FER: variants seen among roughly 807,000 people sequenced by gnomAD.
FER encodes the protein tyrosine-protein kinase Fer.
Under a neutral mutation model 111.0 loss-of-function variants are expected in FER, and 63 were observed. The ratio of observed to expected loss-of-function variants is 0.57; its 90% CI spans 0.46 to 0.70. The LOEUF (loss-of-function observed/expected upper bound fraction) is 0.70. Among genes scored for constraint, FER ranks in the 30% least tolerant of loss-of-function variants. The probability of loss-of-function intolerance (pLI) is 0.00; values close to 1 mark genes in which losing one functional copy is unlikely to be tolerated. For synonymous variants in FER, 327 were observed against 313.9 expected (o/e 1.04, Z -0.44); for missense variants, 914 against 954.0 (o/e 0.96, Z 0.55).
rs1366456765 is a variant in FER, at chr5:109,190,861, CTG to C, written c.*3290_*3291del. ...AGATAAGTATAGACCAGGAGCCTAA[CTG>C]TGTTAGATATTTTCAGTGCACATTT... On this transcript the variant is annotated 3_prime_UTR_variant, in exon 20 of 20. Coordinates refer to ENST00000281092, the MANE Select transcript of FER (RefSeq NM_005246.4). 3 of 152,148 alleles carry C rather than the reference CTG, an allele frequency of 2.0e-5. No homozygotes were observed. Among genetic ancestry groups the C allele is most frequent in the African/African-American group, 7.2e-5 (3 of 41,434 alleles). 9.4% of individuals were successfully genotyped at this position (152,148 alleles called of 1,614,324 possible).
intron 10 of FER, among the ~76,000 whole-genome samples, chr5:108,923,956 C>G (rs575399228): frequency 2.6e-4 from 40 of 152,144 alleles, no homozygotes; most frequent in African/African-American, 8.2e-4. Context: ...TCAAGAAGTG[C>G]TTGAAAGTGA....
At chr5:109,122,539 G>A (rs554843761) in intron 17 of FER, among the ~76,000 whole-genome samples, 55 of 150,012 alleles carry the variant, frequency 3.7e-4, no homozygotes, top group African/African-American at 1.3e-3. Context: ...AAAAAGGCAT[G>A]TTCTGCAGCC....
rs1582484285 is a variant in FER, at chr5:109,195,399, C to G, written c.*7824C>G. ...CTAGACCTCTCATACCTGCAGTGTA[C>G]AGAATATGTACATGTTCCAATGGAA... On this transcript the variant is annotated 3_prime_UTR_variant, in exon 20 of 20. Transcript: ENST00000281092. The G allele has an allele frequency of 6.6e-6, 1 of 152,208 alleles. No individual in the cohort carries two copies. Among genetic ancestry groups the G allele is most frequent in the East Asian group, 1.9e-4 (1 of 5,182 alleles). The allele number at this position is 152,208 out of a possible 1,614,324, so 9.4% of individuals were successfully genotyped here. A position where few individuals can be genotyped will look rare whatever the true frequency, so the allele number is the denominator to read the frequency against.
intron 13 of FER, among the ~76,000 whole-genome samples, chr5:109,001,837 A>G (rs1483515561): frequency 2.0e-5 from 3 of 151,734 alleles, no homozygotes; most frequent in South Asian, 2.1e-4. Flanking sequence ...TTATACACCA[A>G]TAACAGACAA....
rs1260848361 is a variant in FER, at chr5:108,992,527, G to A, written c.1656+33180G>A. Among the ~76,000 whole-genome samples the A allele has an allele frequency of 4.2e-4, 62 of 148,604 alleles. 1 individual carries two copies. The highest frequency in any genetic ancestry group is 1.4e-3 in the African/African-American group (55 of 40,326). ...GGGCTGACCCCCCACCTCCCTCCCG[G>A]ACGGGGCAGCTGGCCGGGCAGAGGG... is the stretch of plus-strand genomic sequence containing the variant. On this transcript the variant is annotated intron_variant, in intron 13 of 19. Transcript: ENST00000281092.
intron 16 of FER, among the ~76,000 whole-genome samples, chr5:109,089,777 A>T (rs1777957501): frequency 6.6e-6 from 1 of 152,190 alleles, no homozygotes; most frequent in Admixed American, 6.5e-5. Flanking sequence ...AGAGAATGAA[A>T]TGTTTAGCCA....
Position 108,763,776 on chromosome 5 carries a change from C to T in FER, c.-205-4317C>T, listed in dbSNP as rs185644369. ...TGAGAAATGCAGAGTGAATTGTTTC[C>T]CAGCAGTAATTCTGAATTCCAGCAG... On this transcript the variant is annotated intron_variant, in intron 1 of 19. Coordinates refer to ENST00000281092, the MANE Select transcript of FER (RefSeq NM_005246.4). Among the ~76,000 whole-genome samples the T allele has an allele frequency of 3.4e-3, 510 of 152,174 alleles. 1 individual carries two copies. The highest frequency in any genetic ancestry group is 5.6e-3 in the Admixed American group (86 of 15,280).
chr5:108,993,547 G>C (rs2149755898), intron 13 of FER, among the ~76,000 whole-genome samples: 1 of 151,900 alleles, frequency 6.6e-6, no homozygotes, highest in African/African-American at 2.4e-5. Flanking sequence ...GGGAGAGGGA[G>C]ACTGTGGGGA....
chr5:108,943,551 C>T (rs953826890), intron 10 of FER, among the ~76,000 whole-genome samples: 4 of 152,078 alleles, frequency 2.6e-5, no homozygotes, highest in African/African-American at 9.7e-5. Flanking sequence ...AACCTTAATT[C>T]TTGCCCTTTA....
intron 16 of FER, among the ~76,000 whole-genome samples, chr5:109,062,540 TATA>T (rs1204222986): frequency 8.6e-5 from 13 of 150,910 alleles, no homozygotes; most frequent in African/African-American, 3.2e-4. Context: ...GAAAAAAAAA[TATA>T]TATAACAATA....
chr5:108,984,788 T>A (rs949034663), intron 13 of FER, among the ~76,000 whole-genome samples: 3 of 152,094 alleles, frequency 2.0e-5, no homozygotes. Flanking sequence ...GGTGGTGAGA[T>A]AAACTGGTAG....
intron 17 of FER, among the ~76,000 whole-genome samples, chr5:109,144,236 A>T (rs977939481): frequency 1.3e-5 from 2 of 152,092 alleles, no homozygotes; most frequent in Admixed American, 1.3e-4. Flanking sequence ...TTAAAAGTAA[A>T]CAAGAAATTG....
rs1776909675 is a variant in FER at position 109,080,876 on chromosome 5, ATGCACAGT to A, written c.1925-19518_1925-19511del. Among the ~76,000 whole-genome samples, 6 of 152,044 alleles carry A rather than the reference ATGCACAGT, an allele frequency of 3.9e-5. No homozygotes were observed. The South Asian group carries it at 1.2e-3, about 31-fold the overall frequency. On this transcript the variant is annotated intron_variant, in intron 16 of 19. Coordinates refer to ENST00000281092, the MANE Select transcript of FER (RefSeq NM_005246.4). ...GTTCCAGCTTTTCAACAGGTCACGT[ATGCACAGT>A]TAACAGGGCCACAGTCTTGAAGTAA...
intron 17 of FER, among the ~76,000 whole-genome samples, chr5:109,121,713 G>A (rs1181665190): frequency 6.6e-6 from 1 of 152,038 alleles, no homozygotes; most frequent in Non-Finnish European, 1.5e-5. Context: ...CAGCAGTGAA[G>A]CCATCAGGTC....
intron 13 of FER, among the ~76,000 whole-genome samples, chr5:108,965,512 C>G (rs1759690808): frequency 6.6e-6 from 1 of 152,008 alleles, no homozygotes; most frequent in South Asian, 2.1e-4. Context: ...AATACTCTAC[C>G]TCTATTATTT....
At chr5:109,107,136 A>G (rs1749031615) in intron 17 of FER, among the ~76,000 whole-genome samples, 1 of 152,164 alleles carries the variant, frequency 6.6e-6, no homozygotes, top group South Asian at 2.1e-4. Context: ...AAGATAGAAG[A>G]GAAAATTGGC....
In FER at chr5:109,189,685, T is replaced by TAATA. The variant is rs1759238937; in HGVS notation, c.*2111_*2114dup. ...TTTAGTATTTCTAAGTGAATCTCTG[T>TAATA]AATATTCTTTGTCTGTTTAAAGAAA... On this transcript the variant is annotated 3_prime_UTR_variant, in exon 20 of 20. Coordinates refer to ENST00000281092, the MANE Select transcript of FER (RefSeq NM_005246.4). 1 of 152,280 alleles carries TAATA rather than the reference T, an allele frequency of 6.6e-6. No homozygotes were observed. The highest frequency in any genetic ancestry group is 1.9e-4 in the East Asian group (1 of 5,184). 9.4% of individuals were successfully genotyped at this position (152,280 alleles called of 1,614,324 possible).
In FER at chr5:108,831,500, G is replaced by A. The variant is rs189012474; in HGVS notation, c.208-1270G>A. ...GCTTTGTGGTGTTAAGAGCAAATTA[G>A]TGATTATATTTTCATATTTAAAAGT... On this transcript the variant is annotated intron_variant, in intron 3 of 19. Coordinates refer to ENST00000281092, the MANE Select transcript of FER (RefSeq NM_005246.4). Among the ~76,000 whole-genome samples, 107 of 152,254 alleles carry A rather than the reference G, an allele frequency of 7.0e-4. 1 individual carries two copies. Among genetic ancestry groups the A allele is most frequent in the Admixed American group, 5.1e-3 (78 of 15,288 alleles).
chr5:108,785,009 T>C, intron 2 of FER: 1 of 288,582 alleles, frequency 3.5e-6, no homozygotes, highest in Non-Finnish European at 6.8e-6. Context: ...TCCCAACACC[T>C]GGGTGTATGC....
Sources: gnomAD v4.1 joint callset for allele counts (sites outside exome capture counted in the v4.1 genomes callset) on GRCh38, gnomAD v4.1.1 for gene constraint, MANE v1.5 for transcripts, NCBI Gene and HGNC (gene_info 2026-07-23, HGNC 2026-07-21) for gene names.